Variants in BAZ2A observed in about 807,000 individuals in gnomAD.
The protein encoded by BAZ2A is bromodomain adjacent to zinc finger domain protein 2A.
In BAZ2A, 34 loss-of-function variants were observed where a neutral mutation model predicts 199.9. The observed-to-expected ratio is 0.17, with a 90% CI of 0.13 to 0.23. BAZ2A has a LOEUF of 0.23. Ranked by LOEUF, BAZ2A falls within the 10% of genes least tolerant of loss-of-function variation. The pLI, the probability that BAZ2A is intolerant of heterozygous loss-of-function variation, is 1.00. For missense variants in BAZ2A, 2,002 were observed against 2,391.1 expected (o/e 0.84, Z 3.39); for synonymous variants, 857 against 883.9 (o/e 0.97, Z 0.54).
rs1466468684 is a variant in BAZ2A at position 56,597,581 on chromosome 12, C to CACACACACAG, written c.*1036_*1037insCTGTGTGTGT. On this transcript the variant is annotated 3_prime_UTR_variant, in exon 29 of 29. Coordinates refer to ENST00000549884, the MANE Select transcript of BAZ2A (RefSeq NM_001300905.2). Reference sequence around the variant, plus strand: ...AAGCACGCACACACACACACACACACAGCGCGCGCTCTGAGGCTGACACAC... The same window carrying CACACACACAG: ...AAGCACGCACACACACACACACACACACACACACAGAGCGCGCGCTCTGAGGCTGACACAC... The CACACACACAG allele has an allele frequency of 1.5e-5, 2 of 137,408 alleles. No individual in the cohort carries two copies. Among genetic ancestry groups the CACACACACAG allele is most frequent in the Non-Finnish European group, 3.1e-5 (2 of 64,304 alleles). 8.5% of individuals were successfully genotyped at this position (137,408 alleles called of 1,614,324 possible).
At chr12:56,611,379 C>A in intron 7 of BAZ2A, 194 bp downstream of exon 7, 1 of 628,320 alleles carries the variant, frequency 1.6e-6, no homozygotes, top group African/African-American at 1.9e-5. Context: ...TGATGGAAGA[C>A]AGACCTTGAG....
chr12:56,601,576 G>A lies in BAZ2A; in HGVS notation c.4041C>T (p.Pro1347=). 1.2e-6 allele frequency: 2 copies of A among 1,613,550 alleles called. No individual in the cohort carries two copies. Among genetic ancestry groups the A allele is most frequent in the Non-Finnish European group, 8.5e-7 (1 of 1,179,854 alleles). Reference sequence around the variant, plus strand: ...TGGAGGAGGCAAGCTGCTGAGGGGAGGGAGTGGGTTGGTCCTCAGAAACTG... The same window carrying A: ...TGGAGGAGGCAAGCTGCTGAGGGGAAGGAGTGGGTTGGTCCTCAGAAACTG... ...PPAVSEDQPT[P]SPQQLASSKP... Residue 1347 remains proline, a synonymous_variant, in exon 20 of 29, where the codon CCC becomes CCT. Transcript: ENST00000549884.
rs1885914566 is a variant in BAZ2A, at chr12:56,597,415, GAC to G, written c.*1201_*1202del. ...CTGGAACAAAAATGACCAGGAGAGA[GAC>G]ACAGCCTTGTCTCCAGAGAAATTGT... On this transcript the variant is annotated 3_prime_UTR_variant, in exon 29 of 29. Coordinates refer to ENST00000549884, the MANE Select transcript of BAZ2A (RefSeq NM_001300905.2). 1 of 152,308 alleles carries G rather than the reference GAC, an allele frequency of 6.6e-6. No homozygotes were observed. Among genetic ancestry groups the G allele is most frequent in the Non-Finnish European group, 1.5e-5 (1 of 67,982 alleles). The allele number at this position is 152,308 out of a possible 1,614,324, so 9.4% of individuals were successfully genotyped here.
At chr12:56,610,936 T>C (rs774874488) in intron 7 of BAZ2A, among the ~76,000 whole-genome samples, 2 of 152,028 alleles carry the variant, frequency 1.3e-5, no homozygotes, top group African/African-American at 2.4e-5. Flanking sequence ...ATGAAAAGAC[T>C]CAATATGCCA....
intron 1 of BAZ2A, among the ~76,000 whole-genome samples, chr12:56,619,232 C>A (rs567780006): frequency 2.0e-5 from 3 of 152,126 alleles, no homozygotes; most frequent in Admixed American, 2.0e-4. Context: ...GTAATCCCAG[C>A]TGCTCGGGAG....
chr12:56,602,408 A>T (rs1358812993), intron 19 of BAZ2A, among the ~76,000 whole-genome samples: 1 of 152,246 alleles, frequency 6.6e-6, no homozygotes, highest in African/African-American at 2.4e-5. Flanking sequence ...ATCATAAGCT[A>T]ACATTTATTG....
At chr12:56,621,817 T>A (rs1950928390) in intron 1 of BAZ2A, among the ~76,000 whole-genome samples, 1 of 151,882 alleles carries the variant, frequency 6.6e-6, no homozygotes, top group African/African-American at 2.4e-5. Context: ...GCTTCCCAAG[T>A]AGCTAGGACT....
chr12:56,604,834 G>C (rs1396468330), intron 14 of BAZ2A, 35 bp from the exon 15 acceptor site: 2 of 1,596,240 alleles, frequency 1.3e-6, no homozygotes, highest in Admixed American at 3.4e-5. Flanking sequence ...GGTGAGTAGG[G>C]AAAGATGCAC....
chr12:56,601,939 A>G lies in BAZ2A; in HGVS notation c.3678T>C (p.His1226=). Residue 1226 remains histidine, a synonymous_variant, in exon 20 of 29, where the codon CAT becomes CAC. Transcript: ENST00000549884. ...QAQLQPEAQL[H]APAQPQPQLQ... ...GCTGAGGCTGGGGCTGGGCAGGAGC[A>G]TGAAGCTGAGCCTCAGGCTGAAGCT... The G allele has an allele frequency of 6.3e-7, 1 of 1,578,152 alleles. No homozygotes were observed. Among genetic ancestry groups the G allele is most frequent in the Non-Finnish European group, 8.6e-7 (1 of 1,161,746 alleles).
chr12:56,638,223 G>T (rs1951485129), upstream of BAZ2A: 2 of 965,422 alleles, frequency 2.1e-6, no homozygotes, highest in Admixed American at 2.3e-5. Context: ...TGTTCAGAAA[G>T]AATATATCTT....
At position 56,600,678 on chromosome 12, in the gene BAZ2A, T is replaced by C. The variant is rs1225792513; in HGVS notation, c.4602+3A>G. The stretch of plus-strand genomic sequence containing the variant: ...TTCCTACACAGTGCCAATCCCAGCA[T>C]ACCCGAATCTGCAGATCAGACATGA... On this transcript the variant is annotated splice_donor_region_variant and intron_variant, in intron 23 of 28. Coordinates refer to ENST00000549884, the MANE Select transcript of BAZ2A (RefSeq NM_001300905.2). 6.2e-7 allele frequency: 1 copy of C among 1,612,346 alleles called. No homozygotes were observed. The highest frequency in any genetic ancestry group is 1.7e-5 in the Admixed American group (1 of 59,928).
chr12:56,600,895 G>C, intron 22 of BAZ2A, 48 bp downstream of exon 22: 1 of 1,611,768 alleles, frequency 6.2e-7, no homozygotes, highest in Non-Finnish European at 8.5e-7. Context: ...GCAGCTCAAT[G>C]CTTATCCTGG....
intron 10 of BAZ2A, among the ~76,000 whole-genome samples, chr12:56,608,718 C>T (rs940339929): frequency 3.3e-5 from 5 of 151,410 alleles, no homozygotes; most frequent in African/African-American, 7.3e-5. Context: ...TACAGGCATG[C>T]GCCACCATGC....
chr12:56,623,696 G>C (rs1390367448), intron 1 of BAZ2A, among the ~76,000 whole-genome samples: 1 of 152,050 alleles, frequency 6.6e-6, no homozygotes, highest in African/African-American at 2.4e-5. Flanking sequence ...TGTGCTACTG[G>C]CATCTAGTAA....
chr12:56,606,441 T>G, intron 11 of BAZ2A, 129 bp from the exon 12 acceptor site: 4 of 1,232,574 alleles, frequency 3.2e-6, no homozygotes, highest in Non-Finnish European at 3.5e-6. Flanking sequence ...GGCAATGGAT[T>G]AATTCTCTCA....
At chr12:56,608,866 G>GTT (rs1950459812) in intron 10 of BAZ2A, among the ~76,000 whole-genome samples, 1 of 122,396 alleles carries the variant, frequency 8.2e-6, no homozygotes, top group African/African-American at 4.2e-5. Context: ...ACCGTGCCTG[G>GTT]CTTTTTTTTT....
chr12:56,612,271 G>A, intron 5 of BAZ2A, 25 bp from the exon 6 acceptor site: 6 of 1,567,452 alleles, frequency 3.8e-6, no homozygotes, highest in Non-Finnish European at 5.2e-6. Flanking sequence ...GACAGGATAG[G>A]CTTTAAAAAA....
In BAZ2A at chr12:56,635,419, C is replaced by G; in HGVS notation, c.4+763G>C. Among the ~76,000 whole-genome samples, 1 of 152,120 alleles carries G rather than the reference C, an allele frequency of 6.6e-6. No individual in the cohort carries two copies. Among genetic ancestry groups the G allele is most frequent in the East Asian group, 1.9e-4 (1 of 5,180 alleles). On this transcript the variant is annotated intron_variant, in intron 1 of 29. Transcript: ENST00000379441. The surrounding 1 kb of genome is among the most constrained non-coding windows in gnomAD (Gnocchi z 4.1). ...TCAAGGCCGAGCCTGCTGGGGGTCA[C>G]GCGCAGCGCCCTACTAGGTGAACTG... is the stretch of plus-strand genomic sequence containing the variant.
chr12:56,625,049 A>C (rs1001054685), intron 1 of BAZ2A, among the ~76,000 whole-genome samples: 1 of 152,162 alleles, frequency 6.6e-6, no homozygotes, highest in African/African-American at 2.4e-5. Context: ...CTTTACTCTC[A>C]GAAGACCAGG....
Sources: gnomAD v4.1 joint callset for allele counts (sites outside exome capture counted in the v4.1 genomes callset) on GRCh38, gnomAD v4.1.1 for gene constraint, Gnocchi (gnomAD v3.1) non-coding constraint, MANE v1.5 for transcripts, NCBI Gene and HGNC (gene_info 2026-07-23, HGNC 2026-07-21) for gene names.